The following MYL5 variants were observed in gnomAD, a reference collection of about 807,000 sequenced individuals.
MYL5 encodes myosin regulatory light chain 5.
MYL5 carries 28 observed loss-of-function variants against 20.8 expected under a neutral mutation model. That is an observed-to-expected ratio of 1.35 (90% confidence interval 1.00 to 1.84). The LOEUF is 1.84. Ranked by LOEUF, MYL5 falls within the 40% of genes most tolerant of loss-of-function variation. The pLI, the probability that MYL5 is intolerant of heterozygous loss-of-function variation, is 0.00. For missense variants in MYL5, 274 were observed against 227.3 expected, an observed-to-expected ratio of 1.21 and a Z score of -1.32; for synonymous variants, 118 against 87.4, an observed-to-expected ratio of 1.35 and a Z score of -1.95.
At chr4:676,878 C>A, upstream of MYL5, 1 of 985,348 alleles carries the variant, frequency 1.0e-6, no homozygotes, top group Non-Finnish European at 1.2e-6. Flanking sequence ...GGGTCCTCAA[C>A]CTCAGGAGTC....
chr4:680,449 C>T (rs1259786354), intron 4 of MYL5, 60 bp from the exon 7 acceptor site: 1 of 1,553,300 alleles, frequency 6.4e-7, no homozygotes, highest in Non-Finnish European at 8.9e-7. Flanking sequence ...TGCCATCTGC[C>T]CTTGGCAGCC....
chr4:681,748 C>A, intron 6 of MYL5, 145 bp from the exon 9 acceptor site: 2 of 1,001,938 alleles, frequency 2.0e-6, no homozygotes, highest in Non-Finnish European at 1.2e-6. Context: ...CCGCCCCGCC[C>A]CCTCCAGCGC....
chr4:675,268 G>A (rs535805707), upstream of MYL5: 71 of 152,552 alleles, frequency 4.7e-4, no homozygotes, highest in Non-Finnish European at 7.9e-4. Context: ...TGGAGTCTAG[G>A]CAGGAGCCTG....
upstream of MYL5, among the ~76,000 whole-genome samples, chr4:677,278 G>A (rs1738938000): frequency 1.3e-5 from 2 of 152,158 alleles, no homozygotes; most frequent in South Asian, 4.1e-4. Flanking sequence ...CTGACTCTGT[G>A]GTGGCCTCTG....
At chr4:674,755 G>A (rs1738719029), upstream of MYL5, 1 of 170,482 alleles carries the variant, frequency 5.9e-6, no homozygotes, top group African/African-American at 2.4e-5. Context: ...AGGGACCTGG[G>A]GGTCCTGGGA....
At chr4:679,295 A>G in intron 3 of MYL5, 2 of 383,608 alleles carry the variant, frequency 5.2e-6, no homozygotes, top group Non-Finnish European at 8.6e-6. Flanking sequence ...AGCAGGCTCC[A>G]GGGAGGGGCT....
At chr4:676,651 C>T (rs910553304), upstream of MYL5, among the ~76,000 whole-genome samples, 11 of 152,170 alleles carry the variant, frequency 7.2e-5, no homozygotes, top group Non-Finnish European at 1.2e-4. Context: ...CTCACATTCC[C>T]GGTGGCCTCG....
intron 1 of MYL5, 56 bp downstream of exon 3, chr4:678,085 G>A: frequency 6.2e-7 from 1 of 1,605,240 alleles, no homozygotes; most frequent in Non-Finnish European, 8.5e-7. Context: ...GCTGTGCTGT[G>A]CATGTGTACA....
chr4:679,107 C>T (rs780523126), intron 3 of MYL5, 74 bp downstream of exon 5: 81 of 1,256,440 alleles, frequency 6.4e-5, no homozygotes, highest in East Asian at 3.2e-5. Context: ...CCAGACGCCG[C>T]GGCCCCTCCT....
At chr4:675,019 C>A (rs1326462207), upstream of MYL5, 2 of 152,440 alleles carry the variant, frequency 1.3e-5, no homozygotes, top group African/African-American at 2.4e-5. Context: ...AGACCAGCCC[C>A]CAACAGAGGC....
intron 6 of MYL5, 148 bp from the exon 9 acceptor site, chr4:681,745 G>A: frequency 1.3e-6 from 1 of 765,658 alleles, no homozygotes; most frequent in East Asian, 5.8e-5. Flanking sequence ...GCGCCGCCCC[G>A]CCCCCTCCAG....
chr4:679,877 C>T (rs1450463116), intron 3 of MYL5, 37 bp from the exon 6 acceptor site: 3 of 1,572,914 alleles, frequency 1.9e-6, no homozygotes, highest in African/African-American at 2.7e-5. Context: ...GGGCAGGCAA[C>T]AAGCCCTGCC....
At chr4:679,617 C>T (rs772310899) in intron 3 of MYL5, among the ~76,000 whole-genome samples, 2 of 152,174 alleles carry the variant, frequency 1.3e-5, no homozygotes, top group Non-Finnish European at 2.9e-5. Context: ...GCAAGTGACC[C>T]ACCTTCCTCT....
intron 3 of MYL5, chr4:679,260 G>C: frequency 1.5e-6 from 1 of 649,758 alleles, no homozygotes; most frequent in South Asian, 1.6e-5. Flanking sequence ...GCCCAAGCCT[G>C]GAAACTCAGA....
chr4:681,051 C>T (rs1369349025), intron 5 of MYL5, 41 bp from the exon 8 acceptor site: 3 of 1,565,990 alleles, frequency 1.9e-6, no homozygotes, highest in East Asian at 2.3e-5. Context: ...GGCTCCTGCA[C>T]CCCCGCATCA....
chr4:680,638 T>G (rs1273844820), intron 5 of MYL5, 51 bp downstream of exon 7: 1 of 1,575,418 alleles, frequency 6.3e-7, no homozygotes. Context: ...ACCCCAGTGA[T>G]CTCATCCTGT....
At chr4:679,643 C>G (rs1288824662) in intron 3 of MYL5, among the ~76,000 whole-genome samples, 2 of 152,176 alleles carry the variant, frequency 1.3e-5, no homozygotes, top group African/African-American at 2.4e-5. Flanking sequence ...CTGCTTATGC[C>G]CAGAATTAAG....
chr4:675,078 G>C (rs1372489825), upstream of MYL5: 1 of 152,450 alleles, frequency 6.6e-6, no homozygotes, highest in Non-Finnish European at 1.5e-5. Flanking sequence ...ACGGCTCCAA[G>C]GGCCTGCCCC....
exon 3 of MYL5, chr4:679,017 C>T (rs1187125755): frequency 3.7e-6 from 6 of 1,613,718 alleles, no homozygotes; most frequent in Non-Finnish European, 5.1e-6. Flanking sequence ...ACCTGAAGGA[C>T]ACCTATGCCT....
Sources: gnomAD v4.1 joint callset for allele counts (sites outside exome capture counted in the v4.1 genomes callset) on GRCh38, gnomAD v4.1.1 for gene constraint, MANE v1.5 for transcripts, NCBI Gene and HGNC (gene_info 2026-07-23, HGNC 2026-07-21) for gene names.